The following RBM39 variants were observed in gnomAD, a reference collection of about 807,000 sequenced individuals.
The protein encoded by RBM39 is RNA binding motif protein 39.
A neutral mutation model predicts 79.6 loss-of-function variants in RBM39; 12 were observed. The observed-to-expected ratio is 0.15, with a 90% CI of 0.10 to 0.24. The LOEUF is 0.24. Ranked by LOEUF, RBM39 falls within the 10% of genes least tolerant of loss-of-function variation. The pLI is 1.00. For synonymous variants in RBM39, 185 were observed against 208.4 expected, an observed-to-expected ratio of 0.89 and a Z score of 0.97; for missense variants, 243 against 653.4, an observed-to-expected ratio of 0.37 and a Z score of 6.85.
intron 12 of RBM39, among the ~76,000 whole-genome samples, chr20:35,712,211 G>GT (rs1258022302): frequency 1.3e-5 from 2 of 152,030 alleles, no homozygotes; most frequent in Non-Finnish European, 2.9e-5. Flanking sequence ...GCTCACATCT[G>GT]TAAGCCCAGC....
chr20:35,724,728 A>G lies in RBM39; in HGVS notation c.535-6T>C, dbSNP rs775817345. On this transcript the variant is annotated splice_polypyrimidine_tract_variant and splice_region_variant and intron_variant, in intron 7 of 16. Transcript: ENST00000253363. ...ATCATCCTCACATCTCGAACCTAGAAAGAAAACACAGTTGTTTGTGCAAAC... is the reference window on the plus strand; with the variant it reads ...ATCATCCTCACATCTCGAACCTAGAGAGAAAACACAGTTGTTTGTGCAAAC... 5 of 1,613,492 alleles carry G rather than the reference A, an allele frequency of 3.1e-6. No homozygotes were observed. Among genetic ancestry groups the G allele is most frequent in the Non-Finnish European group, 4.2e-6 (5 of 1,179,540 alleles).
chr20:35,739,245 T>A, intron 2 of RBM39: 1 of 557,070 alleles, frequency 1.8e-6, no homozygotes. Flanking sequence ...TTTTCCATAT[T>A]AACATGTTAA....
At chr20:35,712,124 T>C (rs531315886) in intron 12 of RBM39, among the ~76,000 whole-genome samples, 15 of 152,056 alleles carry the variant, frequency 9.9e-5, no homozygotes, top group Non-Finnish European at 2.2e-4. Context: ...ATTTCAAAAT[T>C]AGATCCTATC....
At chr20:35,713,270 T>A in intron 11 of RBM39, 174 bp from the exon 12 acceptor site, 1 of 512,560 alleles carries the variant, frequency 2.0e-6, no homozygotes, top group Non-Finnish European at 3.5e-6. Flanking sequence ...GTGGTTCACT[T>A]AAATCCCAGA....
intron 8 of RBM39, among the ~76,000 whole-genome samples, chr20:35,722,458 C>CTTT (rs72430622): frequency 3.1e-4 from 36 of 116,428 alleles, no homozygotes; most frequent in African/African-American, 9.3e-4. Context: ...TATTTAGAGG[C>CTTT]TTTTTTTTTT....
chr20:35,735,063 A>G (rs761239045), intron 3 of RBM39: 18 of 1,571,636 alleles, frequency 1.1e-5, no homozygotes, highest in Non-Finnish European at 1.5e-5. Context: ...GAAGATCTAA[A>G]TTTTTAATGC....
intron 3 of RBM39, among the ~76,000 whole-genome samples, chr20:35,737,742 G>A (rs1488580857): frequency 6.6e-6 from 1 of 150,708 alleles, no homozygotes; most frequent in African/African-American, 2.5e-5. Flanking sequence ...CCTGCTACCT[G>A]GGAGGCTGAG....
At chr20:35,719,607 G>A (rs896368451) in intron 9 of RBM39, among the ~76,000 whole-genome samples, 4 of 151,986 alleles carry the variant, frequency 2.6e-5, no homozygotes, top group Non-Finnish European at 5.9e-5. Flanking sequence ...AACCTGGGAG[G>A]CGGAGGTTGC....
At chr20:35,736,087 C>T (rs936613943) in intron 3 of RBM39, among the ~76,000 whole-genome samples, 1 of 147,148 alleles carries the variant, frequency 6.8e-6, no homozygotes, top group South Asian at 2.2e-4. Flanking sequence ...GCACTTGAAG[C>T]GAAATCTTTA....
intron 4 of RBM39, 125 bp from the exon 5 acceptor site, chr20:35,729,652 G>A: frequency 2.4e-6 from 2 of 825,110 alleles, no homozygotes; most frequent in South Asian, 3.5e-5. Flanking sequence ...TTATGAAGAG[G>A]AAACAAAAAT....
Position 35,703,258 on chromosome 20 carries a change from T to A in RBM39, c.*1223A>T, listed in dbSNP as rs2035373946. Reference sequence around the variant, plus strand: ...TTTAATATATTAATATATAAATCAATTTTGGAAACCAGTTTGAAGTTAAGC... The same window carrying A: ...TTTAATATATTAATATATAAATCAAATTTGGAAACCAGTTTGAAGTTAAGC... On this transcript the variant is annotated 3_prime_UTR_variant, in exon 17 of 17. Coordinates refer to ENST00000253363, the MANE Select transcript of RBM39 (RefSeq NM_184234.3). 6.6e-6 allele frequency: 1 copy of A among 152,150 alleles called. No individual in the cohort carries two copies. Among genetic ancestry groups the A allele is most frequent in the Non-Finnish European group, 1.5e-5 (1 of 68,030 alleles). 9.4% of individuals were successfully genotyped at this position (152,150 alleles called of 1,614,324 possible).
chr20:35,716,995 T>G (rs1338305704), intron 9 of RBM39, among the ~76,000 whole-genome samples, 190 bp from the exon 10 acceptor site: 1 of 151,658 alleles, frequency 6.6e-6, no homozygotes, highest in Non-Finnish European at 1.5e-5. Context: ...ATGAAAAAAA[T>G]TAGGCTGGGC....
At chr20:35,731,466 G>A (rs1357680593) in intron 4 of RBM39, 1 of 148,036 alleles carries the variant, frequency 6.8e-6, no homozygotes, top group Non-Finnish European at 1.4e-5. Context: ...CAACTGGCCT[G>A]ACATTTCAGC....
At chr20:35,722,445 G>GT (rs2038082875) in intron 8 of RBM39, among the ~76,000 whole-genome samples, 1 of 129,420 alleles carries the variant, frequency 7.7e-6, no homozygotes, top group Non-Finnish European at 1.6e-5. Flanking sequence ...AAAATAAAAA[G>GT]TTTATTTAGA....
At position 35,702,272 on chromosome 20, in the gene RBM39, G is replaced by A. The variant is rs1347120984; in HGVS notation, c.*2209C>T. ...CAGGAGGAAATTAAGGACATTACCA[G>A]ATTAGTTACAGATTTTCGAACCAGT... On this transcript the variant is annotated 3_prime_UTR_variant, in exon 17 of 17. Transcript: ENST00000253363. 6.6e-6 allele frequency: 1 copy of A among 152,212 alleles called. No homozygotes were observed. Among genetic ancestry groups the A allele is most frequent in the Admixed American group, 6.5e-5 (1 of 15,274 alleles). The allele number at this position is 152,212 out of a possible 1,614,324, so 9.4% of individuals were successfully genotyped here.
rs2036641784 is a variant in RBM39, at chr20:35,713,108, T to TA, written c.1097-13dup. 7.4e-6 allele frequency: 12 copies of TA among 1,611,040 alleles called. No homozygotes were observed. The highest frequency in any genetic ancestry group is 1.0e-5 in the Non-Finnish European group (12 of 1,178,032). ...CTGCAAACCTGTACCTGTAAAAGAA[T>TA]AGTCTTAAAGTTCCTACTATGTTGA... On this transcript the variant is annotated splice_polypyrimidine_tract_variant and intron_variant, in intron 11 of 16. Transcript: ENST00000253363.
At chr20:35,717,440 A>C (rs1287076689) in intron 9 of RBM39, among the ~76,000 whole-genome samples, 3 of 152,218 alleles carry the variant, frequency 2.0e-5, no homozygotes, top group African/African-American at 7.2e-5. Context: ...AATCCTTCGT[A>C]AATTACCAAT....
intron 2 of RBM39, chr20:35,740,390 G>A (rs904253031): frequency 2.5e-6 from 1 of 398,634 alleles, no homozygotes; most frequent in Non-Finnish European, 4.8e-6. Flanking sequence ...GTCATGCTTT[G>A]TTATTCTTGG....
At chr20:35,710,289 CCTAGGTG>C (rs1447831745) in intron 12 of RBM39, 2 of 152,052 alleles carry the variant, frequency 1.3e-5, no homozygotes, top group Non-Finnish European at 2.9e-5. Flanking sequence ...ATACCTGGGT[CCTAGGTG>C]CTCAAAATTG....
Sources: allele counts gnomAD v4.1 joint callset (sites outside exome capture counted in the v4.1 genomes callset), GRCh38; gene constraint gnomAD v4.1.1; transcripts MANE v1.5; gene names NCBI Gene and HGNC (gene_info 2026-07-23, HGNC 2026-07-21).